The following RYR2 variants were observed in gnomAD, a reference collection of about 807,000 sequenced individuals.
The protein encoded by RYR2 is cardiac muscle ryanodine receptor-calcium release channel.
Under a neutral mutation model 601.1 loss-of-function variants are expected in RYR2, and 227 were observed. The ratio of observed to expected loss-of-function variants is 0.38; its 90% CI spans 0.34 to 0.42. The LOEUF (loss-of-function observed/expected upper bound fraction) is 0.42. Ranked by LOEUF, RYR2 falls within the 10% of genes least tolerant of loss-of-function variation. The pLI, the probability that RYR2 is intolerant of heterozygous loss-of-function variation, is 1.00. For missense variants in RYR2, 4,646 were observed against 6,156.5 expected, an observed-to-expected ratio of 0.75 and a Z score of 8.21; for synonymous variants, 2,223 against 2,175.1, an observed-to-expected ratio of 1.02 and a Z score of -0.61.
At chr1:237,506,840 A>C (rs2618702) in intron 23 of RYR2, 26 bp downstream of exon 23, 2 of 1,573,094 alleles carry the variant, frequency 1.3e-6, no homozygotes, top group African/African-American at 1.3e-5. Context: ...ATTTATTTTC[A>C]GATTCTGTGA....
rs182038403 is a variant in RYR2 at position 237,639,148 on chromosome 1, C to A, written c.7062C>A (p.Ala2354=). Residue 2354 remains alanine (A), a synonymous_variant, in exon 46 of 105, where the codon GCC becomes GCA. Transcript: ENST00000366574. The stretch of plus-strand genomic sequence containing the variant: ...CAATGGAAGAAGCCATCAAAATCGC[C>A]GAGGATCCTTCCCGAGATGGTCCCT... The part of the protein sequence containing the change: ...LAAMEEAIKI[A]EDPSRDGPSP... 6.2e-7 allele frequency: 1 copy of A among 1,613,594 alleles called. No homozygotes were observed. The highest frequency in any genetic ancestry group is 8.5e-7 in the Non-Finnish European group (1 of 1,179,814).
intron 1 of RYR2, among the ~76,000 whole-genome samples, chr1:237,077,841 C>T (rs1355088372): frequency 2.0e-5 from 3 of 150,568 alleles, no homozygotes; most frequent in African/African-American, 4.9e-5. Flanking sequence ...CAGCACCACA[C>T]CACACCTATT....
chr1:237,558,660 G>A (rs1466209575), intron 27 of RYR2, among the ~76,000 whole-genome samples: 6 of 151,894 alleles, frequency 4.0e-5, no homozygotes, highest in Non-Finnish European at 8.8e-5. Context: ...CATCAAATTT[G>A]GGAAGCTTCT....
chr1:237,436,595 G>T (rs1707401515), intron 12 of RYR2, among the ~76,000 whole-genome samples: 1 of 150,640 alleles, frequency 6.6e-6, no homozygotes, highest in Non-Finnish European at 1.5e-5. Flanking sequence ...ATTCTGGGCT[G>T]CAGTGCGGCA....
intron 6 of RYR2, among the ~76,000 whole-genome samples, chr1:237,372,451 A>G (rs1344427773): frequency 6.6e-6 from 1 of 152,250 alleles, no homozygotes; most frequent in Non-Finnish European, 1.5e-5. Context: ...ATTAACTAAA[A>G]TAAGAATATG....
chr1:237,171,100 G>T (rs1214127983), intron 1 of RYR2, among the ~76,000 whole-genome samples: 2 of 152,120 alleles, frequency 1.3e-5, no homozygotes, highest in East Asian at 3.9e-4. Flanking sequence ...TGGGTGTGGT[G>T]GTGGGCACCT....
At chr1:237,473,952 T>C (rs1308293563) in intron 17 of RYR2, among the ~76,000 whole-genome samples, 1 of 152,040 alleles carries the variant, frequency 6.6e-6, no homozygotes. Context: ...AATATGATTT[T>C]ACACTGTCAT....
At chr1:237,638,295 A>G (rs1477825442) in intron 44 of RYR2, 62 bp from the exon 45 acceptor site, 3 of 1,606,638 alleles carry the variant, frequency 1.9e-6, no homozygotes, top group Non-Finnish European at 1.7e-6. Flanking sequence ...ATTGTATCCA[A>G]TGTAAGCATC....
At chr1:237,722,559 G>A (rs893846774) in intron 73 of RYR2, among the ~76,000 whole-genome samples, 13 of 150,658 alleles carry the variant, frequency 8.6e-5, no homozygotes, top group African/African-American at 1.5e-4. Context: ...TCAGCCTCCC[G>A]AGTAGCTGGG....
chr1:237,765,171 A>T (rs1693752245), intron 84 of RYR2, among the ~76,000 whole-genome samples: 1 of 152,254 alleles, frequency 6.6e-6, no homozygotes, highest in Middle Eastern at 3.4e-3. Context: ...CAAAACCTGT[A>T]TGAATATTTA....
chr1:237,217,034 T>G (rs1572237195), intron 1 of RYR2, among the ~76,000 whole-genome samples: 1 of 152,068 alleles, frequency 6.6e-6, no homozygotes, highest in South Asian at 2.1e-4. Context: ...AGAAGCAGGG[T>G]TCTTACAAAT....
chr1:237,404,911 C>T lies in RYR2; in HGVS notation c.774-12138C>T, dbSNP rs192845660. Among the ~76,000 whole-genome samples the T allele has an allele frequency of 2.0e-5, 3 of 152,260 alleles. No individual in the cohort carries two copies. In the East Asian group the frequency reaches 5.8e-4, roughly 29 times the overall value. ...GCTGTCAGAGCGCAATGAAATAAGGCCTTCAGTCATAAAACTGCAAGGCAC... is the reference window on the plus strand; with the variant it reads ...GCTGTCAGAGCGCAATGAAATAAGGTCTTCAGTCATAAAACTGCAAGGCAC... On this transcript the variant is annotated intron_variant, in intron 10 of 104. Coordinates refer to ENST00000366574, the MANE Select transcript of RYR2 (RefSeq NM_001035.3).
chr1:237,265,431 C>T (rs1572407224), intron 1 of RYR2, among the ~76,000 whole-genome samples: 3 of 152,086 alleles, frequency 2.0e-5, no homozygotes, highest in Admixed American at 6.5e-5. Context: ...AAGAGATTCT[C>T]CTGCCTCAGC....
intron 1 of RYR2, among the ~76,000 whole-genome samples, chr1:237,169,874 C>T (rs1572082205): frequency 1.3e-5 from 2 of 151,922 alleles, no homozygotes; most frequent in South Asian, 2.1e-4. Context: ...ATGATTTTTT[C>T]GTGTAAAAGT....
At chr1:237,500,488 G>A (rs1402743560) in intron 20 of RYR2, among the ~76,000 whole-genome samples, 3 of 152,232 alleles carry the variant, frequency 2.0e-5, no homozygotes, top group Non-Finnish European at 1.5e-5. Context: ...TGTATCAGAA[G>A]GTCCATTTTA....
At chr1:237,160,515 T>G (rs944847421) in intron 1 of RYR2, among the ~76,000 whole-genome samples, 3 of 152,186 alleles carry the variant, frequency 2.0e-5, no homozygotes, top group Admixed American at 6.5e-5. Flanking sequence ...GTTTTAGATT[T>G]AGAACTAATG....
intron 71 of RYR2, among the ~76,000 whole-genome samples, chr1:237,713,723 A>G (rs1056357129): frequency 5.3e-5 from 8 of 152,148 alleles, no homozygotes; most frequent in Non-Finnish European, 1.2e-4. Context: ...AAATATATAT[A>G]GATAGATAGA....
chr1:237,242,844 T>A (rs947308310), intron 1 of RYR2, among the ~76,000 whole-genome samples: 1 of 152,144 alleles, frequency 6.6e-6, no homozygotes, highest in East Asian at 1.9e-4. Context: ...GTATTGGAGC[T>A]CTTTTGGATG....
At chr1:237,086,350 C>T (rs1666329676) in intron 1 of RYR2, among the ~76,000 whole-genome samples, 1 of 152,112 alleles carries the variant, frequency 6.6e-6, no homozygotes, top group African/African-American at 2.4e-5. Context: ...TGGATGAGGG[C>T]TCACCCTCAT....
Sources: allele counts gnomAD v4.1 joint callset (sites outside exome capture counted in the v4.1 genomes callset), GRCh38; gene constraint gnomAD v4.1.1; transcripts MANE v1.5; gene names NCBI Gene and HGNC (gene_info 2026-07-23, HGNC 2026-07-21).